Variants in CDK5RAP2 observed in about 807,000 individuals in gnomAD.
The protein encoded by CDK5RAP2 is CDK5 regulatory subunit associated protein 2.
CDK5RAP2 carries 147 observed loss-of-function variants against 232.9 expected under a neutral mutation model. That is an observed-to-expected ratio of 0.63 (90% CI 0.55 to 0.72). The LOEUF is 0.72. Among genes scored for constraint, CDK5RAP2 ranks in the 30% least tolerant of loss-of-function variants. The pLI is 0.00. For missense variants in CDK5RAP2, 2,195 were observed against 2,231.5 expected (o/e 0.98, Z 0.33); for synonymous variants, 833 against 833.7 (o/e 1.00, Z 0.01).
intron 8 of CDK5RAP2, among the ~76,000 whole-genome samples, chr9:120,529,558 C>T (rs1333391439): frequency 2.0e-5 from 3 of 152,188 alleles, no homozygotes; most frequent in Admixed American, 6.5e-5. Context: ...CTGCTAAGCC[C>T]GATACGAGTT....
At chr9:120,575,430 T>G (rs554683408) in intron 1 of CDK5RAP2, among the ~76,000 whole-genome samples, 1 of 152,288 alleles carries the variant, frequency 6.6e-6, no homozygotes, top group East Asian at 1.9e-4. Flanking sequence ...CCTCCTATCT[T>G]GCTCTATTGC....
At chr9:120,397,645 C>T (rs1481047588) in intron 35 of CDK5RAP2, among the ~76,000 whole-genome samples, 2 of 151,302 alleles carry the variant, frequency 1.3e-5, no homozygotes, top group Non-Finnish European at 1.5e-5. Context: ...TTAGTATCAC[C>T]ACATCCAGTC....
At chr9:120,506,590 C>A (rs1003832189) in intron 12 of CDK5RAP2, among the ~76,000 whole-genome samples, 2 of 152,164 alleles carry the variant, frequency 1.3e-5, no homozygotes, top group South Asian at 4.1e-4. Context: ...ATTTGTGATT[C>A]ATGAGAAGGG....
chr9:120,533,796 C>CT (rs1554775539), intron 7 of CDK5RAP2, among the ~76,000 whole-genome samples: 7,678 of 94,086 alleles, frequency 0.082, 509 homozygotes, highest in East Asian at 0.3. Context: ...AAGACTCCAT[C>CT]TAAAAAAAAA....
At chr9:120,440,392 G>A in intron 23 of CDK5RAP2, 1 of 257,574 alleles carries the variant, frequency 3.9e-6, no homozygotes, top group Non-Finnish European at 7.6e-6. Context: ...CCTGCACATT[G>A]CGTGCTGTGT....
intron 14 of CDK5RAP2, among the ~76,000 whole-genome samples, chr9:120,480,780 G>A (rs1405021695): frequency 6.6e-6 from 1 of 152,152 alleles, no homozygotes; most frequent in Non-Finnish European, 1.5e-5. Context: ...ACAAAACAAG[G>A]CCAAGGCACC....
At position 120,494,398 on chromosome 9, in the gene CDK5RAP2, C is replaced by T. The variant is rs538787986; in HGVS notation, c.1312-2921G>A. On this transcript the variant is annotated intron_variant, in intron 12 of 37. Coordinates refer to ENST00000349780, the MANE Select transcript of CDK5RAP2 (RefSeq NM_018249.6). ...GACCTGGAGCAGGGAAAACATAATA[C>T]GAAATGAGCCTAGGAGATCTTGTGC... 3.9e-5 allele frequency among the ~76,000 whole-genome samples: 6 copies of T among 152,134 alleles called. No individual in the cohort carries two copies. The South Asian group carries it at 1.0e-3, about 26-fold the overall frequency.
intron 12 of CDK5RAP2, among the ~76,000 whole-genome samples, chr9:120,510,095 G>A (rs752714532): frequency 6.6e-6 from 1 of 152,236 alleles, no homozygotes; most frequent in East Asian, 1.9e-4. Flanking sequence ...GCCATGTTTT[G>A]ATTCTGATTT....
intron 25 of CDK5RAP2, among the ~76,000 whole-genome samples, chr9:120,434,943 G>C (rs2035490190): frequency 6.6e-6 from 1 of 152,158 alleles, no homozygotes; most frequent in Non-Finnish European, 1.5e-5. Context: ...AAGGGAAAAG[G>C]AGAAAAATAA....
At chr9:120,546,978 T>A (rs946241879) in intron 4 of CDK5RAP2, among the ~76,000 whole-genome samples, 18 of 43,754 alleles carry the variant, frequency 4.1e-4, no homozygotes, top group Admixed American at 9.9e-4. Context: ...ATGTGTTTTT[T>A]GTTTTTTCGT....
rs1299885816 is a variant in CDK5RAP2 at position 120,408,429 on chromosome 9, T to G, written c.4644A>C (p.Ser1548=). 1 of 1,614,114 alleles carries G rather than the reference T, an allele frequency of 6.2e-7. No individual in the cohort carries two copies. The highest frequency in any genetic ancestry group is 1.1e-5 in the South Asian group (1 of 91,078). ...EEVKLRQQLL[S]QNDKLLQSLR... ...GAGACTGCAATAGCTTGTCATTCTG[T>G]GAGAGCAGCTGCTGCCTCAACTTCA... The change falls in exon 31 of 38, where the codon TCA becomes TCC. Residue 1548 remains serine (S), a synonymous_variant. Transcript: ENST00000349780.
chr9:120,389,357 G>C, intron 37 of CDK5RAP2, 65 bp from the exon 38 acceptor site: 1 of 1,288,306 alleles, frequency 7.8e-7, no homozygotes, highest in Non-Finnish European at 1.1e-6. Flanking sequence ...GTAAGACCCC[G>C]ACAGAGGTGA....
At chr9:120,480,751 T>C (rs2038259277) in intron 14 of CDK5RAP2, among the ~76,000 whole-genome samples, 1 of 152,206 alleles carries the variant, frequency 6.6e-6, no homozygotes, top group African/African-American at 2.4e-5. Context: ...AGGAGAATAC[T>C]GTTGTGCTTC....
At chr9:120,543,772 C>T (rs1401883032) in intron 5 of CDK5RAP2, among the ~76,000 whole-genome samples, 2 of 152,144 alleles carry the variant, frequency 1.3e-5, no homozygotes, top group Non-Finnish European at 2.9e-5. Context: ...GCAGGAGAAT[C>T]GCCTGGACCC....
At chr9:120,555,339 T>C (rs1006918850) in intron 3 of CDK5RAP2, among the ~76,000 whole-genome samples, 1 of 152,062 alleles carries the variant, frequency 6.6e-6, no homozygotes, top group South Asian at 2.1e-4. Flanking sequence ...GGTTTCACCA[T>C]GTTGGCCAGG....
In CDK5RAP2 at chr9:120,439,784, T is replaced by G; in HGVS notation, c.3337A>C (p.Lys1113Gln). The change falls in exon 24 of 38, where the codon AAA becomes CAA. Residue 1113 changes from lysine to glutamine, a missense_variant. By Grantham distance (53) the Lys-to-Gln change is moderately conservative (BLOSUM62 1). Coordinates refer to ENST00000349780, the MANE Select transcript of CDK5RAP2 (RefSeq NM_018249.6). ...GTTTCCAAGTCATGGATTTTCTGTTTTAAGTATTCTGTCTCATTTGAGGTA... is the reference window on the plus strand; with the variant it reads ...GTTTCCAAGTCATGGATTTTCTGTTGTAAGTATTCTGTCTCATTTGAGGTA... Reference protein sequence around the residue: ...INTSNETEYLKQKIHDLETEL... With the variant: ...INTSNETEYLQQKIHDLETEL... The G allele has an allele frequency of 6.2e-7, 1 of 1,614,206 alleles. No homozygotes were observed. The highest frequency in any genetic ancestry group is 8.5e-7 in the Non-Finnish European group (1 of 1,180,032).
intron 11 of CDK5RAP2, among the ~76,000 whole-genome samples, chr9:120,523,696 T>C (rs984782797): frequency 6.6e-6 from 1 of 152,182 alleles, no homozygotes; most frequent in Non-Finnish European, 1.5e-5. Flanking sequence ...GCAACATCAG[T>C]GCAAGAGGTG....
At chr9:120,471,598 T>C (rs934316282) in intron 16 of CDK5RAP2, 150 bp downstream of exon 16, 53 of 1,122,308 alleles carry the variant, frequency 4.7e-5, no homozygotes, top group Non-Finnish European at 6.6e-5. Context: ...CTAGGAAGGC[T>C]AACATCAGCA....
chr9:120,477,564 A>C, intron 14 of CDK5RAP2, 114 bp from the exon 15 acceptor site: 1 of 840,424 alleles, frequency 1.2e-6, no homozygotes, highest in Non-Finnish European at 2.0e-6. Context: ...CGAAGGTGAG[A>C]GAGGCCCTGT....
Sources: gnomAD v4.1 joint callset for allele counts (sites outside exome capture counted in the v4.1 genomes callset) on GRCh38, gnomAD v4.1.1 for gene constraint, MANE v1.5 for transcripts, NCBI Gene and HGNC (gene_info 2026-07-23, HGNC 2026-07-21) for gene names.